The following CCDC60 variants were observed in gnomAD, a reference collection of about 807,000 sequenced individuals.
CCDC60 encodes coiled-coil domain-containing protein 60.
In CCDC60, 54 loss-of-function variants were observed where a neutral mutation model predicts 63.5. The ratio of observed to expected loss-of-function variants is 0.85; its 90% CI spans 0.68 to 1.07. The LOEUF (loss-of-function observed/expected upper bound fraction) is 1.07, where lower values mean the gene tolerates loss of function less well. Ranked by LOEUF, CCDC60 falls within the 50% of genes least tolerant of loss-of-function variation. The probability of loss-of-function intolerance (pLI) is 0.00; values close to 1 mark genes in which losing one functional copy is unlikely to be tolerated. For missense variants in CCDC60, 651 were observed against 684.3 expected, an observed-to-expected ratio of 0.95 and a Z score of 0.54; for synonymous variants, 206 against 238.8, an observed-to-expected ratio of 0.86 and a Z score of 1.27.
At chr12:119,407,859 T>C (rs977481919) in intron 1 of CCDC60, among the ~76,000 whole-genome samples, 1 of 152,242 alleles carries the variant, frequency 6.6e-6, no homozygotes, top group African/African-American at 2.4e-5. Context: ...TGATTAAGTC[T>C]GTGCTTTTCA....
chr12:119,360,438 G>T lies in CCDC60; in HGVS notation c.90+25172G>T, dbSNP rs1157230779. 4.7e-5 allele frequency among the ~76,000 whole-genome samples: 7 copies of T among 150,378 alleles called. No individual in the cohort carries two copies. In the South Asian group the frequency reaches 8.5e-4, roughly 18 times the overall value. ...GACAGGGTGGCTGCCGGGCGGAGACGCTCCTCACTTCCCAGACGGGGTGGC... is the reference window on the plus strand; with the variant it reads ...GACAGGGTGGCTGCCGGGCGGAGACTCTCCTCACTTCCCAGACGGGGTGGC... On this transcript the variant is annotated intron_variant, in intron 1 of 13. Transcript: ENST00000327554.
chr12:119,414,935 T>C (rs1051859058), intron 1 of CCDC60, among the ~76,000 whole-genome samples: 17 of 152,248 alleles, frequency 1.1e-4, no homozygotes, highest in African/African-American at 3.9e-4. Context: ...CAACTTCATC[T>C]ATTCTTCCAT....
chr12:119,430,739 G>C (rs1426090209), intron 2 of CCDC60, among the ~76,000 whole-genome samples: 1 of 150,924 alleles, frequency 6.6e-6, no homozygotes, highest in Non-Finnish European at 1.5e-5. Context: ...GCCTAGGAGA[G>C]AGACCTCAGG....
At chr12:119,462,788 CTTCATTTA>C (rs1950879239) in intron 2 of CCDC60, among the ~76,000 whole-genome samples, 4 of 139,666 alleles carry the variant, frequency 2.9e-5, no homozygotes, top group Admixed American at 7.8e-5. Context: ...GCCCAACTAA[CTTCATTTA>C]TTTATTTATT....
chr12:119,475,585 G>T (rs1447604977), intron 3 of CCDC60, among the ~76,000 whole-genome samples: 1 of 152,146 alleles, frequency 6.6e-6, no homozygotes, highest in Non-Finnish European at 1.5e-5. Flanking sequence ...GGGTGGGAGG[G>T]TGTTATAAAA....
intron 2 of CCDC60, among the ~76,000 whole-genome samples, chr12:119,432,575 G>A (rs1050409950): frequency 6.6e-6 from 1 of 152,188 alleles, no homozygotes; most frequent in African/African-American, 2.4e-5. Context: ...TGAGGAATGA[G>A]GGTCTCCACA....
chr12:119,428,997 CT>C, intron 2 of CCDC60: 2 of 415,286 alleles, frequency 4.8e-6, no homozygotes, highest in South Asian at 9.2e-5. Flanking sequence ...ATTCCCTCTG[CT>C]TTTCTTCCTG....
intron 11 of CCDC60, among the ~76,000 whole-genome samples, chr12:119,527,396 T>A (rs1952706826): frequency 6.6e-6 from 1 of 152,122 alleles, no homozygotes; most frequent in South Asian, 2.1e-4. Flanking sequence ...AATCTTCACA[T>A]GTAGCCCCAA....
chr12:119,411,690 A>G (rs1203912361), intron 1 of CCDC60, among the ~76,000 whole-genome samples: 4 of 152,040 alleles, frequency 2.6e-5, no homozygotes, highest in Admixed American at 1.3e-4. Flanking sequence ...TCCAGTTTCT[A>G]TGACCTTCTC....
intron 1 of CCDC60, among the ~76,000 whole-genome samples, chr12:119,413,497 A>G (rs576364469): frequency 6.6e-6 from 1 of 152,308 alleles, no homozygotes; most frequent in East Asian, 1.9e-4. Context: ...TTCATAGCTC[A>G]TAATTGATTC....
chr12:119,338,904 T>C (rs1230939192), intron 1 of CCDC60, among the ~76,000 whole-genome samples: 1 of 152,236 alleles, frequency 6.6e-6, no homozygotes, highest in Non-Finnish European at 1.5e-5. Flanking sequence ...CGAAGCCCTC[T>C]GAACTGGCCA....
chr12:119,515,828 A>C (rs1237506397), intron 7 of CCDC60, among the ~76,000 whole-genome samples: 1 of 152,190 alleles, frequency 6.6e-6, no homozygotes, highest in Non-Finnish European at 1.5e-5. Context: ...CCAGTGTTAA[A>C]AGATTGGCAT....
intron 11 of CCDC60, chr12:119,524,598 A>G: frequency 3.8e-6 from 1 of 261,514 alleles, no homozygotes; most frequent in Non-Finnish European, 5.9e-6. Context: ...GGAAAGTAGC[A>G]CACAGGGGTC....
intron 7 of CCDC60, among the ~76,000 whole-genome samples, chr12:119,507,036 C>T (rs1952024680): frequency 6.6e-6 from 1 of 152,100 alleles, no homozygotes; most frequent in Admixed American, 6.5e-5. Flanking sequence ...CAGTGGTGTC[C>T]AGCGACAGAA....
intron 1 of CCDC60, among the ~76,000 whole-genome samples, chr12:119,342,216 A>G (rs1955540356): frequency 6.6e-6 from 1 of 152,228 alleles, no homozygotes; most frequent in South Asian, 2.1e-4. Context: ...TCCCACATCC[A>G]TATTCCAGCA....
At chr12:119,356,761 G>T (rs1955723475) in intron 1 of CCDC60, among the ~76,000 whole-genome samples, 1 of 152,100 alleles carries the variant, frequency 6.6e-6, no homozygotes, top group Non-Finnish European at 1.5e-5. Flanking sequence ...CTGAAAAATT[G>T]GCCTTTCATC....
chr12:119,462,609 G>A (rs898744679), intron 2 of CCDC60, among the ~76,000 whole-genome samples: 2 of 151,948 alleles, frequency 1.3e-5, no homozygotes, highest in Non-Finnish European at 2.9e-5. Flanking sequence ...GTAAATGACC[G>A]AGATGCAGAG....
At chr12:119,433,474 T>C in intron 2 of CCDC60, 2 of 702,328 alleles carry the variant, frequency 2.8e-6, no homozygotes, top group Non-Finnish European at 5.2e-6. Flanking sequence ...CAATGAGATG[T>C]TCCATCTGGC....
intron 2 of CCDC60, among the ~76,000 whole-genome samples, chr12:119,430,436 G>A (rs1310299510): frequency 6.6e-6 from 1 of 152,064 alleles, no homozygotes; most frequent in South Asian, 2.1e-4. Context: ...GGAGGCCAAG[G>A]CAGGCGGATC....
Sources: gnomAD v4.1 joint callset for allele counts (sites outside exome capture counted in the v4.1 genomes callset) on GRCh38, gnomAD v4.1.1 for gene constraint, MANE v1.5 for transcripts, NCBI Gene and HGNC (gene_info 2026-07-23, HGNC 2026-07-21) for gene names.